PRH1: variants seen among roughly 807,000 people sequenced by gnomAD.
PRH1 encodes proline rich protein HaeIII subfamily 1.
In PRH1, 7 loss-of-function variants were observed where a neutral mutation model predicts 7.9. That is an observed-to-expected ratio of 0.89 (90% CI 0.50 to 1.67). The LOEUF is 1.67. Ranked by LOEUF, PRH1 falls within the 40% of genes most tolerant of loss-of-function variation. PRH1 has a pLI of 0.00. For missense variants in PRH1, 109 were observed against 223.6 expected (o/e 0.49, Z 3.27); for synonymous variants, 45 against 80.8 (o/e 0.56, Z 2.38).
chr12:10,883,815 G>A (rs767720505), intron 1 of PRH1, among the ~76,000 whole-genome samples: 1 of 152,148 alleles, frequency 6.6e-6, no homozygotes, highest in Non-Finnish European at 1.5e-5. Flanking sequence ...CATCATCCCT[G>A]TCTACTGGGA....
intron 2 of PRH1, among the ~76,000 whole-genome samples, chr12:10,947,283 A>T (rs1950502915): frequency 6.6e-6 from 1 of 152,160 alleles, no homozygotes; most frequent in Non-Finnish European, 1.5e-5. Flanking sequence ...GTCTCTAAGA[A>T]CTTGCCTCAT....
At chr12:11,151,350 G>A (rs1294369623) in intron 1 of PRH1, among the ~76,000 whole-genome samples, 2 of 151,988 alleles carry the variant, frequency 1.3e-5, no homozygotes, top group Non-Finnish European at 2.9e-5. Context: ...TACACCAGGG[G>A]CTGGTTAGAG....
intron 1 of PRH1, among the ~76,000 whole-genome samples, chr12:11,067,740 G>A (rs969644086): frequency 6.6e-6 from 1 of 152,150 alleles, no homozygotes; most frequent in Non-Finnish European, 1.5e-5. Flanking sequence ...GTGCACGCCT[G>A]TTGTCCTAGC....
chr12:11,099,769 A>T (rs1046573327), intron 1 of PRH1, among the ~76,000 whole-genome samples: 1 of 152,206 alleles, frequency 6.6e-6, no homozygotes, highest in Non-Finnish European at 1.5e-5. Flanking sequence ...AATGTTTTAG[A>T]GGGTCTTCTC....
In PRH1 at chr12:10,993,427, A is replaced by G. The variant is rs186866023; in HGVS notation, c.-125-19706T>C. ...AAGTGATGAGTTTCTCAAATATAGT[A>G]AAATACCATAACATTGAACAGAACT... On this transcript the variant is annotated intron_variant, in intron 1 of 3. Transcript: ENST00000539853. Among the ~76,000 whole-genome samples the G allele has an allele frequency of 1.8e-3, 279 of 152,310 alleles. 1 individual carries two copies. Among genetic ancestry groups the G allele is most frequent in the Non-Finnish European group, 3.2e-3 (221 of 68,032 alleles).
chr12:10,907,785 T>TATGTAAATTATACCTCAATAATA (rs1329182017), intron 2 of PRH1: 1 of 152,120 alleles, frequency 6.6e-6, no homozygotes, highest in Non-Finnish European at 1.5e-5. Context: ...AATATTTACT[T>TATGTAAATTATACCTCAATAATA]TAAAAGGCAT....
In PRH1 at chr12:10,884,246, A is replaced by C; in HGVS notation, c.-29T>G. ...GCAGGAGGCTCTGGTGTCACTCCCA[A>C]CTTTGTGCTGGGAGAAACGTGTCAG... is the stretch of plus-strand genomic sequence containing the variant. On this transcript the variant is annotated 5_prime_UTR_variant, in exon 1 of 4. Coordinates refer to ENST00000543626, the MANE Select transcript of PRH1 (RefSeq NM_001393989.1). 6.2e-7 allele frequency: 1 copy of C among 1,614,068 alleles called. No homozygotes were observed. The highest frequency in any genetic ancestry group is 8.5e-7 in the Non-Finnish European group (1 of 1,179,902).
At chr12:10,929,894 A>G (rs1360269843) in intron 2 of PRH1, among the ~76,000 whole-genome samples, 1 of 152,178 alleles carries the variant, frequency 6.6e-6, no homozygotes, top group African/African-American at 2.4e-5. Flanking sequence ...CTAAGTGGCT[A>G]TGTCTGGTGG....
At chr12:11,126,892 A>G (rs1438392862) in intron 1 of PRH1, among the ~76,000 whole-genome samples, 1 of 152,260 alleles carries the variant, frequency 6.6e-6, no homozygotes. Flanking sequence ...GAAGGTGCCC[A>G]TGGGAAAATA....
intron 1 of PRH1, among the ~76,000 whole-genome samples, chr12:11,104,260 G>T (rs1945343579): frequency 6.7e-6 from 1 of 149,336 alleles, no homozygotes; most frequent in South Asian, 2.1e-4. Context: ...TCTTCTTGTT[G>T]ATATTTTCCT....
At chr12:11,120,235 C>T (rs1268559056), downstream of PRH1, among the ~76,000 whole-genome samples, 1 of 152,076 alleles carries the variant, frequency 6.6e-6, no homozygotes, top group Non-Finnish European at 1.5e-5. Flanking sequence ...AGTATCTTTG[C>T]CTAAAGTAAT....
intron 2 of PRH1, chr12:10,973,390 T>A: frequency 6.2e-6 from 2 of 324,178 alleles, no homozygotes; most frequent in Non-Finnish European, 1.1e-5. Context: ...TAAGAAATGA[T>A]CTTCAAGTCT....
chr12:11,127,056 C>T (rs374535068), intron 1 of PRH1, among the ~76,000 whole-genome samples: 2,289 of 128,760 alleles, frequency 0.018, 19 homozygotes, highest in South Asian at 0.039. Context: ...TGTGCAATAA[C>T]GTTCTTGTTC....
At position 10,996,858 on chromosome 12, in the gene PRH1, T is replaced by G. The variant is rs911492334; in HGVS notation, c.-125-23137A>C. 1.1e-5 allele frequency: 15 copies of G among 1,342,560 alleles called. No homozygotes were observed. In the African/African-American group the frequency reaches 1.9e-4, roughly 17 times the overall value. The allele number at this position is 1,342,560 out of a possible 1,614,324, so 83.2% of individuals were successfully genotyped here. A position where few individuals can be genotyped will look rare whatever the true frequency, so the allele number is the denominator to read the frequency against. On this transcript the variant is annotated intron_variant, in intron 1 of 3. Transcript: ENST00000539853. ...TTGGAAATTACTCAAATACATAGAC[T>G]ACGGAAAAACTTGTGGGAAATATAA...
At chr12:11,124,844 T>C (rs910418782) in intron 1 of PRH1, among the ~76,000 whole-genome samples, 3 of 152,126 alleles carry the variant, frequency 2.0e-5, no homozygotes, top group African/African-American at 7.2e-5. Context: ...CTCATGGATT[T>C]ACGATTTTTT....
At chr12:10,921,638 T>C (rs534057922) in intron 2 of PRH1, among the ~76,000 whole-genome samples, 1 of 152,210 alleles carries the variant, frequency 6.6e-6, no homozygotes, top group Non-Finnish European at 1.5e-5. Context: ...CATTCATTTA[T>C]TTATTTACTA....
At chr12:11,142,293 T>C (rs1312618371) in intron 1 of PRH1, among the ~76,000 whole-genome samples, 2 of 152,212 alleles carry the variant, frequency 1.3e-5, no homozygotes, top group Admixed American at 6.5e-5. Context: ...ATATATTCAG[T>C]GCAATCCCTA....
At chr12:11,008,364 G>A (rs981710334) in intron 1 of PRH1, among the ~76,000 whole-genome samples, 26 of 151,864 alleles carry the variant, frequency 1.7e-4, no homozygotes, top group African/African-American at 6.3e-4. Flanking sequence ...AAACAAAACT[G>A]GAAAACTGGG....
chr12:10,916,215 A>G (rs969604642), intron 2 of PRH1, among the ~76,000 whole-genome samples: 2 of 152,138 alleles, frequency 1.3e-5, no homozygotes, highest in African/African-American at 4.8e-5. Flanking sequence ...TAAGAACAAC[A>G]TGGGAAAGAC....
Sources: allele counts gnomAD v4.1 joint callset (sites outside exome capture counted in the v4.1 genomes callset), GRCh38; gene constraint gnomAD v4.1.1; transcripts MANE v1.5; gene names NCBI Gene and HGNC (gene_info 2026-07-23, HGNC 2026-07-21).